Variants in PSD3 observed in about 807,000 individuals in gnomAD.
The protein encoded by PSD3 is PH and SEC7 domain-containing protein 3.
A neutral mutation model predicts 105.5 loss-of-function variants in PSD3; 49 were observed. The ratio of observed to expected loss-of-function variants is 0.46; its 90% CI spans 0.37 to 0.59. PSD3 has a LOEUF of 0.59. Among genes scored for constraint, PSD3 ranks in the 20% least tolerant of loss-of-function variants. The probability of loss-of-function intolerance (pLI) is 0.00; values close to 1 mark genes in which losing one functional copy is unlikely to be tolerated. For synonymous variants in PSD3, 557 were observed against 457.8 expected (o/e 1.22, Z -2.77); for missense variants, 1,561 against 1,263.8 (o/e 1.24, Z -3.57).
At chr8:18,621,513 A>G (rs548648052) in intron 11 of PSD3, among the ~76,000 whole-genome samples, 1 of 152,338 alleles carries the variant, frequency 6.6e-6, no homozygotes, top group South Asian at 2.1e-4. Context: ...ATCATTACGG[A>G]ATGTAAAAAC....
chr8:18,748,318 A>C (rs1196231508), intron 9 of PSD3, among the ~76,000 whole-genome samples: 1 of 152,174 alleles, frequency 6.6e-6, no homozygotes, highest in Non-Finnish European at 1.5e-5. Flanking sequence ...TAAAGCTTAT[A>C]AATAAATTAG....
chr8:19,071,523 T>C (rs1427272552), intron 1 of PSD3, among the ~76,000 whole-genome samples: 1 of 152,100 alleles, frequency 6.6e-6, no homozygotes, highest in East Asian at 1.9e-4. Context: ...ACGGGAAGGC[T>C]GTTGAGAATC....
intron 9 of PSD3, among the ~76,000 whole-genome samples, chr8:18,712,780 G>T (rs150687748): frequency 6.6e-6 from 1 of 152,060 alleles, no homozygotes; most frequent in Non-Finnish European, 1.5e-5. Context: ...CCTTACTCGC[G>T]TTATGAGGCC....
At chr8:19,070,357 G>A (rs535664756) in intron 1 of PSD3, among the ~76,000 whole-genome samples, 2 of 120,598 alleles carry the variant, frequency 1.7e-5, no homozygotes, top group East Asian at 5.0e-4. Context: ...TATTGTATTA[G>A]TATGTCATGT....
chr8:18,724,621 TAAATAAAAATAA>T (rs758392345), intron 9 of PSD3, among the ~76,000 whole-genome samples: 3 of 151,578 alleles, frequency 2.0e-5, no homozygotes, highest in Non-Finnish European at 2.9e-5. Context: ...CTAAAAAAAA[TAAATAAAAATAA>T]AAATAAAAAT....
chr8:18,601,665 TA>T (rs1804449601), intron 11 of PSD3, among the ~76,000 whole-genome samples: 1 of 152,174 alleles, frequency 6.6e-6, no homozygotes, highest in South Asian at 2.1e-4. Flanking sequence ...AGGTGAGGCT[TA>T]AAGGTATACT....
intron 8 of PSD3, among the ~76,000 whole-genome samples, 159 bp from the exon 9 acceptor site, chr8:18,765,697 T>C (rs111241636): frequency 0.064 from 9,731 of 152,020 alleles, 624 homozygotes; most frequent in East Asian, 0.28. Flanking sequence ...GAGGCCGAGG[T>C]GGGTGGATCA....
chr8:18,699,895 C>T (rs947329858), intron 9 of PSD3, among the ~76,000 whole-genome samples: 1 of 151,774 alleles, frequency 6.6e-6, no homozygotes, highest in Admixed American at 6.6e-5. Context: ...AATCAAGCTG[C>T]AGATTCCGCT....
intron 12 of PSD3, among the ~76,000 whole-genome samples, chr8:18,589,560 G>A (rs1803443429): frequency 2.0e-5 from 3 of 152,152 alleles, no homozygotes; most frequent in South Asian, 4.1e-4. Context: ...CTTGAAAACA[G>A]TTCAGATAAA....
At chr8:18,656,666 T>A (rs767980870) in intron 9 of PSD3, among the ~76,000 whole-genome samples, 6 of 152,162 alleles carry the variant, frequency 3.9e-5, no homozygotes, top group Non-Finnish European at 8.8e-5. Context: ...GCTCTAGCAT[T>A]ACAAAGGTCC....
chr8:18,647,275 A>T (rs1585490780), intron 10 of PSD3, among the ~76,000 whole-genome samples: 1 of 152,248 alleles, frequency 6.6e-6, no homozygotes, highest in South Asian at 2.1e-4. Flanking sequence ...CAGGGCTATC[A>T]TAACACATGA....
At chr8:19,076,563 G>C (rs1829468148) in intron 1 of PSD3, among the ~76,000 whole-genome samples, 1 of 152,200 alleles carries the variant, frequency 6.6e-6, no homozygotes, top group Non-Finnish European at 1.5e-5. Context: ...CCAGCAGCAA[G>C]ATTAGAGTGA....
chr8:18,670,098 T>A (rs187504855), intron 9 of PSD3, among the ~76,000 whole-genome samples: 1 of 152,192 alleles, frequency 6.6e-6, no homozygotes, highest in African/African-American at 2.4e-5. Context: ...TCAAATAAGG[T>A]CACTGGAAAG....
chr8:18,551,086 G>C (rs2130086019), intron 15 of PSD3, among the ~76,000 whole-genome samples: 1 of 152,276 alleles, frequency 6.6e-6, no homozygotes, highest in African/African-American at 2.4e-5. Flanking sequence ...GTTTCAGAGG[G>C]TGGGTTTGCC....
intron 8 of PSD3, among the ~76,000 whole-genome samples, chr8:18,792,627 CT>C (rs894250408): frequency 1.3e-5 from 2 of 152,062 alleles, no homozygotes; most frequent in Non-Finnish European, 2.9e-5. Flanking sequence ...GGCTTAATAC[CT>C]GGGTGATGGG....
chr8:18,850,251 C>T (rs763891105), intron 4 of PSD3, among the ~76,000 whole-genome samples: 6 of 152,234 alleles, frequency 3.9e-5, no homozygotes, highest in Non-Finnish European at 5.9e-5. Flanking sequence ...TGTTGCCTCA[C>T]GCTGAAAGAT....
chr8:18,555,310 C>A (rs757298281), intron 15 of PSD3, among the ~76,000 whole-genome samples: 1 of 151,734 alleles, frequency 6.6e-6, no homozygotes, highest in African/African-American at 2.4e-5. Flanking sequence ...AAATTTCAAG[C>A]CTGAGGAGGA....
chr8:18,963,106 A>T (rs11778677), intron 1 of PSD3, among the ~76,000 whole-genome samples: 59,345 of 152,016 alleles, frequency 0.39, 11,774 homozygotes, highest in Non-Finnish European at 0.41. Context: ...AGAGAAAATG[A>T]GGAAGATGCA....
intron 1 of PSD3, among the ~76,000 whole-genome samples, chr8:18,953,316 TTGTGTG>T (rs34547370): frequency 1.3e-5 from 2 of 151,398 alleles, no homozygotes; most frequent in Non-Finnish European, 2.9e-5. Flanking sequence ...TGTGTGTATG[TTGTGTG>T]TGTGTGTGTG....
Sources: gnomAD v4.1 joint callset for allele counts (sites outside exome capture counted in the v4.1 genomes callset) on GRCh38, gnomAD v4.1.1 for gene constraint, MANE v1.5 for transcripts, NCBI Gene and HGNC (gene_info 2026-07-23, HGNC 2026-07-21) for gene names.